SHANK2: variants seen among roughly 807,000 people sequenced by gnomAD.
SHANK2 encodes SH3 and multiple ankyrin repeat domains protein 2.
A neutral mutation model predicts 133.7 loss-of-function variants in SHANK2; 43 were observed. The observed-to-expected ratio is 0.32, with a 90% CI of 0.25 to 0.41. The LOEUF is 0.41. Among genes scored for constraint, SHANK2 ranks in the 10% least tolerant of loss-of-function variants. The pLI, the probability that SHANK2 is intolerant of heterozygous loss-of-function variation, is 1.00. For missense variants in SHANK2, 1,994 were observed against 2,235.8 expected (o/e 0.89, Z 2.18); for synonymous variants, 1,017 against 952.8 (o/e 1.07, Z -1.24).
chr11:70,810,926 T>C (rs1948264771), intron 12 of SHANK2, among the ~76,000 whole-genome samples: 1 of 152,152 alleles, frequency 6.6e-6, no homozygotes. Flanking sequence ...TGATGCGACA[T>C]GGGCGATTGG....
At chr11:71,153,101 G>C (rs1952828430) in intron 2 of SHANK2, among the ~76,000 whole-genome samples, 1 of 152,174 alleles carries the variant, frequency 6.6e-6, no homozygotes, top group Non-Finnish European at 1.5e-5. Context: ...AGCCAGGGGG[G>C]CTGGGCTGAG....
At chr11:71,241,869 C>T (rs539559337) in intron 1 of SHANK2, among the ~76,000 whole-genome samples, 5 of 152,322 alleles carry the variant, frequency 3.3e-5, no homozygotes, top group East Asian at 1.9e-4. Flanking sequence ...CAAGACCAGA[C>T]GGGCCTGGGG....
chr11:70,945,469 A>G (rs1484783939), intron 10 of SHANK2, among the ~76,000 whole-genome samples: 1 of 152,164 alleles, frequency 6.6e-6, no homozygotes, highest in Non-Finnish European at 1.5e-5. Context: ...CAATACGCTG[A>G]GCTCCGACGG....
chr11:71,167,372 C>T (rs1273398436), intron 2 of SHANK2, among the ~76,000 whole-genome samples: 5 of 150,796 alleles, frequency 3.3e-5, no homozygotes, highest in South Asian at 2.1e-4. Context: ...CGGGCAGAGG[C>T]GCCCCTCACC....
At chr11:71,174,354 C>G (rs535124473) in intron 2 of SHANK2, among the ~76,000 whole-genome samples, 2 of 152,120 alleles carry the variant, frequency 1.3e-5, no homozygotes, top group South Asian at 2.1e-4. Context: ...AGCCAGACAA[C>G]AGGGCAACGT....
intron 11 of SHANK2, among the ~76,000 whole-genome samples, chr11:70,846,267 T>G (rs1455622644): frequency 3.5e-5 from 5 of 141,764 alleles, no homozygotes; most frequent in Non-Finnish European, 7.4e-5. Flanking sequence ...TAAATTAGTA[T>G]TATTATTATT....
chr11:70,662,108 C>A (rs1188153997), intron 15 of SHANK2: 3 of 410,656 alleles, frequency 7.3e-6, no homozygotes, highest in African/African-American at 2.0e-5. Flanking sequence ...TTGTCCCGAC[C>A]ACACGCATCT....
Position 70,926,391 on chromosome 11 carries a change from G to A in SHANK2, c.1108-29824C>T, listed in dbSNP as rs527463830. Among the ~76,000 whole-genome samples the A allele has an allele frequency of 1.8e-3, 279 of 152,286 alleles. 3 individuals carry two copies. In the South Asian group the frequency reaches 0.029, roughly 16 times the overall value. On this transcript the variant is annotated intron_variant, in intron 10 of 25. Coordinates refer to ENST00000601538, the MANE Select transcript of SHANK2 (RefSeq NM_012309.5). Reference sequence around the variant, plus strand: ...CTCAGTAAGCCAAGATGGCGCCACCGCACTCTGGCCTGGGTGACAGAGCAA... The same window carrying A: ...CTCAGTAAGCCAAGATGGCGCCACCACACTCTGGCCTGGGTGACAGAGCAA...
At chr11:70,573,808 T>G (rs1341000997) in intron 17 of SHANK2, among the ~76,000 whole-genome samples, 1 of 152,164 alleles carries the variant, frequency 6.6e-6, no homozygotes, top group East Asian at 1.9e-4. Context: ...TCTGTCTGAC[T>G]TAGAGTATGC....
At chr11:71,102,459 G>A (rs782783892) in intron 6 of SHANK2, among the ~76,000 whole-genome samples, 3 of 152,162 alleles carry the variant, frequency 2.0e-5, no homozygotes, top group Non-Finnish European at 4.4e-5. Flanking sequence ...GGGACGCGGG[G>A]CCCAGGTCTG....
chr11:70,667,389 C>A (rs1944697913), intron 15 of SHANK2, among the ~76,000 whole-genome samples: 1 of 152,162 alleles, frequency 6.6e-6, no homozygotes, highest in African/African-American at 2.4e-5. Flanking sequence ...GAGCACTTAG[C>A]ACCTTGAAGC....
At chr11:71,089,274 G>C (rs1951463448) in intron 8 of SHANK2, among the ~76,000 whole-genome samples, 1 of 152,114 alleles carries the variant, frequency 6.6e-6, no homozygotes, top group Non-Finnish European at 1.5e-5. Context: ...AGAGCTGACA[G>C]CCAAGCGCAG....
intron 9 of SHANK2, 133 bp from the exon 10 acceptor site, chr11:71,056,691 C>G (rs1950926170): frequency 6.6e-6 from 1 of 152,228 alleles, no homozygotes; most frequent in Admixed American, 6.5e-5. Context: ...AAGCATGTTG[C>G]TTTCATCTGG....
intron 14 of SHANK2, among the ~76,000 whole-genome samples, chr11:70,729,778 C>T (rs1417044920): frequency 6.6e-5 from 10 of 151,598 alleles, no homozygotes; most frequent in Non-Finnish European, 1.0e-4. Flanking sequence ...CATGATCTGC[C>T]TGCCTCAGCC....
Position 71,092,508 on chromosome 11 carries a change from C to G in SHANK2, c.826G>C (p.Gly276Arg). The G allele has an allele frequency of 6.4e-7, 1 of 1,551,688 alleles. No homozygotes were observed. The highest frequency in any genetic ancestry group is 2.4e-5 in the East Asian group (1 of 40,900). ...TPLYHTAIVG[G>R]DPYCCELLLH... ...AGAAGCTCGCAGCAGTAGGGATCAC[C>G]TCCGACGATGGCTGTGTGATACAGC... The change falls in exon 8 of 26, where the codon GGT becomes CGT. Residue 276 changes from glycine to arginine, a missense_variant. Coordinates refer to ENST00000601538, the MANE Select transcript of SHANK2 (RefSeq NM_012309.5).
chr11:70,524,345 G>A (rs541500437), intron 17 of SHANK2, among the ~76,000 whole-genome samples: 1 of 152,356 alleles, frequency 6.6e-6, no homozygotes, highest in African/African-American at 2.4e-5. Context: ...GTCCCAGGGA[G>A]CCTGGAGAAA....
At chr11:71,124,531 T>C (rs1220253597) in intron 3 of SHANK2, among the ~76,000 whole-genome samples, 9 of 152,086 alleles carry the variant, frequency 5.9e-5, no homozygotes, top group Admixed American at 5.9e-4. Flanking sequence ...ACTTTTTGTA[T>C]AATATTATTA....
At chr11:70,595,282 C>A (rs782005249) in intron 17 of SHANK2, among the ~76,000 whole-genome samples, 9 of 152,232 alleles carry the variant, frequency 5.9e-5, no homozygotes, top group Non-Finnish European at 7.3e-5. Flanking sequence ...TCTCAGGAAG[C>A]CCCGGTGCCA....
intron 14 of SHANK2, among the ~76,000 whole-genome samples, chr11:70,707,447 G>T (rs1555025200): frequency 6.6e-6 from 1 of 150,548 alleles, no homozygotes; most frequent in African/African-American, 2.4e-5. Flanking sequence ...CTGTGAGCAT[G>T]CTGACCTCTA....
Sources: gnomAD v4.1 joint callset for allele counts (sites outside exome capture counted in the v4.1 genomes callset) on GRCh38, gnomAD v4.1.1 for gene constraint, MANE v1.5 for transcripts, NCBI Gene and HGNC (gene_info 2026-07-23, HGNC 2026-07-21) for gene names.